Variants in PDCD4 observed in about 807,000 individuals in gnomAD.
PDCD4 encodes programmed cell death 4, also known as programmed cell death protein 4.
PDCD4 carries 56 observed loss-of-function variants against 54.0 expected under a neutral mutation model. The observed-to-expected ratio is 1.04, with a 90% CI of 0.84 to 1.30. The LOEUF (loss-of-function observed/expected upper bound fraction) is 1.30. PDCD4 is among the 50% of genes most tolerant of loss of function. PDCD4 has a pLI of 0.00. For synonymous variants in PDCD4, 186 were observed against 194.8 expected (o/e 0.95, Z 0.37); for missense variants, 584 against 559.8 (o/e 1.04, Z -0.44).
intron 6 of PDCD4, 136 bp from the exon 7 acceptor site, chr10:110,889,397 T>A: frequency 1.5e-6 from 1 of 649,420 alleles, no homozygotes; most frequent in Non-Finnish European, 2.7e-6. Flanking sequence ...AGGTTTTTTT[T>A]TAAAAAAAAA....
intron 6 of PDCD4, among the ~76,000 whole-genome samples, chr10:110,889,271 C>T (rs1845719279): frequency 6.7e-6 from 1 of 149,742 alleles, no homozygotes; most frequent in South Asian, 2.1e-4. Flanking sequence ...TGTATTCAGG[C>T]AGTGTGCAAG....
chr10:110,889,516 T>TC lies in PDCD4; in HGVS notation c.778-17_778-16insC. ...ATTTAACTTTTTTTATAGCTCTTTTTTTTTTCCTTTTTACAGTTGGTGGGC... is the reference window on the plus strand; with the variant it reads ...ATTTAACTTTTTTTATAGCTCTTTTTCTTTTTCCTTTTTACAGTTGGTGGGC... On this transcript the variant is annotated splice_polypyrimidine_tract_variant and intron_variant, in intron 6 of 11. Coordinates refer to ENST00000280154, the MANE Select transcript of PDCD4 (RefSeq NM_014456.5). The TC allele has an allele frequency of 7.0e-7, 1 of 1,438,532 alleles. No individual in the cohort carries two copies. The highest frequency in any genetic ancestry group is 9.6e-7 in the Non-Finnish European group (1 of 1,037,598). 89.1% of individuals were successfully genotyped at this position (1,438,532 alleles called of 1,614,324 possible). A position where few individuals can be genotyped will look rare whatever the true frequency, so the allele number is the denominator to read the frequency against.
chr10:110,890,933 TTTTC>T (rs1451381971), intron 8 of PDCD4: 2 of 273,210 alleles, frequency 7.3e-6, no homozygotes, highest in East Asian at 1.4e-4. Flanking sequence ...CCTGAAATCT[TTTTC>T]TTATAGTATT....
intron 2 of PDCD4, chr10:110,880,205 G>T (rs935351350): frequency 6.6e-6 from 1 of 152,218 alleles, no homozygotes; most frequent in Non-Finnish European, 1.5e-5. Flanking sequence ...TCTAGTTGTG[G>T]TTTCTCCTTT....
chr10:110,891,195 A>G (rs1280244204), intron 8 of PDCD4, among the ~76,000 whole-genome samples: 2 of 152,062 alleles, frequency 1.3e-5, no homozygotes, highest in African/African-American at 2.4e-5. Context: ...GCTTGAGGCC[A>G]GGAGTTTGAG....
In PDCD4 at chr10:110,888,325, C is replaced by T. The variant is rs567907106; in HGVS notation, c.777+439C>T. Among the ~76,000 whole-genome samples the T allele has an allele frequency of 6.6e-5, 10 of 152,098 alleles. No individual in the cohort carries two copies. In the East Asian group the frequency reaches 1.9e-3, roughly 29 times the overall value. On this transcript the variant is annotated intron_variant, in intron 6 of 11. Transcript: ENST00000280154. ...GTTGCTATTGTCAAAAGTTTTTAAT[C>T]AAGGTAAAATCACTTTACTTAAAAC...
At chr10:110,872,843 C>A (rs1374284264) in intron 1 of PDCD4, among the ~76,000 whole-genome samples, 1 of 152,148 alleles carries the variant, frequency 6.6e-6, no homozygotes, top group Non-Finnish European at 1.5e-5. Context: ...GATGCTGTAA[C>A]GTACATGGGG....
At chr10:110,888,907 G>T (rs1026456723) in intron 6 of PDCD4, among the ~76,000 whole-genome samples, 1 of 151,942 alleles carries the variant, frequency 6.6e-6, no homozygotes, top group East Asian at 1.9e-4. Context: ...GTTTTTGAGA[G>T]AACCTAGTCC....
At chr10:110,885,930 G>A (rs180876413) in intron 5 of PDCD4, among the ~76,000 whole-genome samples, 66 of 152,156 alleles carry the variant, frequency 4.3e-4, no homozygotes, top group Admixed American at 1.9e-3. Flanking sequence ...GGTCTAGTTA[G>A]GATTATCAAA....
chr10:110,881,167 A>T (rs1276238852), intron 2 of PDCD4, 66 bp from the exon 3 acceptor site: 1 of 1,184,448 alleles, frequency 8.4e-7, no homozygotes, highest in East Asian at 2.3e-5. Flanking sequence ...CTAACTTACC[A>T]CTATATCTAT....
Position 110,889,521 on chromosome 10 carries a change from T to G in PDCD4, c.778-12T>G. On this transcript the variant is annotated splice_polypyrimidine_tract_variant and intron_variant, in intron 6 of 11. Coordinates refer to ENST00000280154, the MANE Select transcript of PDCD4 (RefSeq NM_014456.5). ...ACTTTTTTTATAGCTCTTTTTTTTTTCCTTTTTACAGTTGGTGGGCCAGTT... is the reference window on the plus strand; with the variant it reads ...ACTTTTTTTATAGCTCTTTTTTTTTGCCTTTTTACAGTTGGTGGGCCAGTT... The G allele has an allele frequency of 6.8e-7, 1 of 1,470,244 alleles. No homozygotes were observed. Among genetic ancestry groups the G allele is most frequent in the Non-Finnish European group, 9.4e-7 (1 of 1,066,678 alleles). The allele number at this position is 1,470,244 out of a possible 1,614,324, so 91.1% of individuals were successfully genotyped here.
chr10:110,892,058 A>G (rs1845765963), intron 8 of PDCD4, among the ~76,000 whole-genome samples: 1 of 152,208 alleles, frequency 6.6e-6, no homozygotes, highest in South Asian at 2.1e-4. Context: ...ACAAAATTCA[A>G]TTCTCTATAC....
At position 110,887,703 on chromosome 10, in the gene PDCD4, T is replaced by G; in HGVS notation, c.594T>G (p.Ser198Arg). 4.3e-6 allele frequency: 7 copies of G among 1,613,252 alleles called. No individual in the cohort carries two copies. Among genetic ancestry groups the G allele is most frequent in the Non-Finnish European group, 5.9e-6 (7 of 1,179,298 alleles). The change falls in exon 6 of 12, where the codon AGT becomes AGG. Residue 198 changes from serine to arginine, a missense_variant. Coordinates refer to ENST00000280154, the MANE Select transcript of PDCD4 (RefSeq NM_014456.5). The stretch of plus-strand genomic sequence containing the variant: ...ATTTAAATCTTGGTGAAATGAAAAG[T>G]GGAGTACCAGTGTTGGCAGTATCCT... ...LRDLNLGEMK[S>R]GVPVLAVSLA... is the part of the protein sequence containing the mutation.
At chr10:110,896,515 T>C (rs1198362842) in intron 11 of PDCD4, among the ~76,000 whole-genome samples, 1 of 152,140 alleles carries the variant, frequency 6.6e-6, no homozygotes, top group African/African-American at 2.4e-5. Flanking sequence ...CTTGACTTCT[T>C]TACAGGTTGG....
At chr10:110,886,711 C>T (rs1845674373) in intron 5 of PDCD4, among the ~76,000 whole-genome samples, 2 of 152,164 alleles carry the variant, frequency 1.3e-5, no homozygotes, top group Admixed American at 1.3e-4. Flanking sequence ...TAATTTAATA[C>T]TCAAAGGGCT....
intron 2 of PDCD4, chr10:110,876,664 A>G (rs1845510128): frequency 3.1e-6 from 3 of 979,978 alleles, no homozygotes; most frequent in Non-Finnish European, 4.2e-6. Flanking sequence ...ATTCTAAATT[A>G]CCTAGGGTAT....
intron 8 of PDCD4, among the ~76,000 whole-genome samples, chr10:110,892,766 T>A (rs1402490355): frequency 6.6e-6 from 1 of 152,162 alleles, no homozygotes; most frequent in Non-Finnish European, 1.5e-5. Context: ...ATACAGTGTT[T>A]ATAAAGTGCA....
At position 110,899,148 on chromosome 10, in the gene PDCD4, CCT is replaced by C. The variant is rs1415433303; in HGVS notation, c.*1063_*1064del. On this transcript the variant is annotated 3_prime_UTR_variant, in exon 12 of 12. Coordinates refer to ENST00000280154, the MANE Select transcript of PDCD4 (RefSeq NM_014456.5). ...CAATAAAGAATGATCATATTTTTAA[CCT>C]CTTTTACATAGCCTAATAACTCAGC... 6.6e-6 allele frequency: 1 copy of C among 152,150 alleles called. No individual in the cohort carries two copies. Among genetic ancestry groups the C allele is most frequent in the Non-Finnish European group, 1.5e-5 (1 of 68,016 alleles). The allele number at this position is 152,150 out of a possible 1,614,324, so 9.4% of individuals were successfully genotyped here. A position where few individuals can be genotyped will look rare whatever the true frequency, so the allele number is the denominator to read the frequency against.
chr10:110,886,510 G>A (rs999257545), intron 5 of PDCD4, among the ~76,000 whole-genome samples: 1 of 152,122 alleles, frequency 6.6e-6, no homozygotes, highest in African/African-American at 2.4e-5. Context: ...CAGTTACGTG[G>A]CTGTGAAAAT....
Sources: allele counts gnomAD v4.1 joint callset (sites outside exome capture counted in the v4.1 genomes callset), GRCh38; gene constraint gnomAD v4.1.1; transcripts MANE v1.5; gene names NCBI Gene and HGNC (gene_info 2026-07-23, HGNC 2026-07-21).